Variants in FOXRED1 observed in about 807,000 individuals in gnomAD.
The protein encoded by FOXRED1 is FAD dependent oxidoreductase domain containing 1.
In FOXRED1, 52 loss-of-function variants were observed where a neutral mutation model predicts 57.8. The ratio of observed to expected loss-of-function variants is 0.90; its 90% CI spans 0.72 to 1.13. The LOEUF (loss-of-function observed/expected upper bound fraction) is 1.13, where lower values mean the gene tolerates loss of function less well. Ranked by LOEUF, FOXRED1 falls within the 50% of genes most tolerant of loss-of-function variation. The probability of loss-of-function intolerance (pLI) is 0.00; values close to 1 mark genes in which losing one functional copy is unlikely to be tolerated. For synonymous variants in FOXRED1, 271 were observed against 248.3 expected, an observed-to-expected ratio of 1.09 and a Z score of -0.86; for missense variants, 589 against 625.2, an observed-to-expected ratio of 0.94 and a Z score of 0.62.
In FOXRED1 at chr11:126,271,672, A is replaced by G; in HGVS notation, c.306+15A>G. 1 of 1,601,288 alleles carries G rather than the reference A, an allele frequency of 6.2e-7. No homozygotes were observed. Among genetic ancestry groups the G allele is most frequent in the South Asian group, 1.1e-5 (1 of 90,806 alleles). On this transcript the variant is annotated intron_variant, in intron 2 of 10. Coordinates refer to ENST00000263578, the MANE Select transcript of FOXRED1 (RefSeq NM_017547.4). The surrounding 1 kb of genome is among the most constrained non-coding windows in gnomAD (Gnocchi z 5.3). ...GGGACCACACGGTGAGGTCTGGGGTAGGGCAGAGTCATGAGTGGGGCAAGA... is the reference window on the plus strand; with the variant it reads ...GGGACCACACGGTGAGGTCTGGGGTGGGGCAGAGTCATGAGTGGGGCAAGA...
Position 126,272,871 on chromosome 11 carries a change from C to T in FOXRED1, c.307-98C>T, listed in dbSNP as rs1312454680. On this transcript the variant is annotated intron_variant, in intron 2 of 10. Transcript: ENST00000263578. This position sits in a 1 kb window ranked among gnomAD's most constrained non-coding sequence, Gnocchi z 4.6. ...TTATAGACTTGCAAATAGGACTCCCCTTCAACTTTAGGTGTATAGCTCGAA... is the reference window on the plus strand; with the variant it reads ...TTATAGACTTGCAAATAGGACTCCCTTTCAACTTTAGGTGTATAGCTCGAA... The T allele has an allele frequency of 9.1e-6, 7 of 765,780 alleles. No homozygotes were observed. Among genetic ancestry groups the T allele is most frequent in the East Asian group, 2.4e-5 (1 of 40,872 alleles). 47.4% of individuals were successfully genotyped at this position (765,780 alleles called of 1,614,324 possible).
intron 1 of FOXRED1, among the ~76,000 whole-genome samples, chr11:126,269,623 G>A (rs1356187789): frequency 6.6e-6 from 1 of 152,186 alleles, no homozygotes; most frequent in Non-Finnish European, 1.5e-5. Context: ...AGAGAAGACG[G>A]GATTCAGTGA....
In FOXRED1 at chr11:126,275,386, G is replaced by T. The variant is rs36109211; in HGVS notation, c.691G>T (p.Val231Phe). Residue 231 changes from valine (V) to phenylalanine (F), a missense_variant, in exon 6 of 11, where the codon GTC becomes TTC. Coordinates refer to ENST00000263578, the MANE Select transcript of FOXRED1 (RefSeq NM_017547.4). This position sits in a 1 kb window ranked among gnomAD's most constrained non-coding sequence, Gnocchi z 5.9. Reference protein sequence around the residue: ...WCLLQGLRRKVQSLGVLFCQG... With the variant: ...WCLLQGLRRKFQSLGVLFCQG... ...TCTGCTCCAGGGGCTTCGGCGAAAG[G>T]TCCAGTCCTTGGGAGTCCTTTTCTG... The T allele has an allele frequency of 1.2e-6, 2 of 1,613,888 alleles. No individual in the cohort carries two copies. Among genetic ancestry groups the T allele is most frequent in the African/African-American group, 1.3e-5 (1 of 74,910 alleles).
Position 126,271,772 on chromosome 11 carries a change from C to A in FOXRED1, c.306+115C>A. 1 of 849,040 alleles carries A rather than the reference C, an allele frequency of 1.2e-6. No homozygotes were observed. Among genetic ancestry groups the A allele is most frequent in the Non-Finnish European group, 1.9e-6 (1 of 513,434 alleles). The allele number at this position is 849,040 out of a possible 1,614,324, so 52.6% of individuals were successfully genotyped here. On this transcript the variant is annotated intron_variant, in intron 2 of 10. Coordinates refer to ENST00000263578, the MANE Select transcript of FOXRED1 (RefSeq NM_017547.4). This position sits in a 1 kb window ranked among gnomAD's most constrained non-coding sequence, Gnocchi z 5.3. ...GGGAAGACCTCAATCTCGGAGGGTCCAACGGACAGAGATTGTGCTTTGGAC... is the reference window on the plus strand; with the variant it reads ...GGGAAGACCTCAATCTCGGAGGGTCAAACGGACAGAGATTGTGCTTTGGAC...
rs1233480964 is a variant in FOXRED1, at chr11:126,269,246, C to T, written c.40C>T (p.Leu14Phe). 1 of 1,614,200 alleles carries T rather than the reference C, an allele frequency of 6.2e-7. No individual in the cohort carries two copies. Among genetic ancestry groups the T allele is most frequent in the Non-Finnish European group, 8.5e-7 (1 of 1,180,020 alleles). The change falls in exon 1 of 11, where the codon CTC (leucine) becomes TTC (phenylalanine). Residue 14 changes from leucine to phenylalanine, a missense_variant. Physicochemically the swap from Leu to Phe is conservative, Grantham distance 22. Transcript: ENST00000263578. ...TCTGCCGCACGGCATGGGCCGGGGC[C>T]TCTTGACCCGGAGGCCAGGCACGCG... ...RVLPHGMGRG[L>F]LTRRPGTRRG...
rs748879011 is a variant in FOXRED1 at position 126,277,072 on chromosome 11, A to C, written c.1103A>C (p.Gln368Pro). ...CGTTGTCCCCACCTCTCACTCCAGCAGGAAGAACCGGACCCGGCGAACCTG... is the reference window on the plus strand; with the variant it reads ...CGTTGTCCCCACCTCTCACTCCAGCCGGAAGAACCGGACCCGGCGAACCTG... Reference protein sequence around the residue: ...NYLGGRSPTEQEEPDPANLEV... With the variant: ...NYLGGRSPTEPEEPDPANLEV... Residue 368 changes from glutamine (Q) to proline (P), a missense_variant and splice_region_variant, in exon 10 of 11, where the codon CAG becomes CCG. Gln to Pro is a moderately conservative substitution (Grantham distance 76). Coordinates refer to ENST00000263578, the MANE Select transcript of FOXRED1 (RefSeq NM_017547.4). This position sits in a 1 kb window ranked among gnomAD's most constrained non-coding sequence, Gnocchi z 6.8. The C allele has an allele frequency of 6.2e-7, 1 of 1,603,946 alleles. No individual in the cohort carries two copies. The highest frequency in any genetic ancestry group is 2.2e-5 in the East Asian group (1 of 44,820).
chr11:126,276,315 G>GTGTATGGGGTTGGGGA, intron 8 of FOXRED1, 79 bp from the exon 9 acceptor site: 1 of 1,153,378 alleles, frequency 8.7e-7, no homozygotes, highest in East Asian at 3.1e-5. Flanking sequence ...GTGTGTGTGT[G>GTGTATGGGGTTGGGGA]GGGTGTGGGG....
chr11:126,277,177 T>TAAC lies in FOXRED1; in HGVS notation c.1206+3_1206+5dup, dbSNP rs745532161. 1 of 1,575,092 alleles carries TAAC rather than the reference T, an allele frequency of 6.3e-7. No individual in the cohort carries two copies. The highest frequency in any genetic ancestry group is 1.3e-5 in the African/African-American group (1 of 74,302). ...GTCCCAGCTTTTGAGACTCTGAAGG[T>TAAC]AACTGGCAAGGGCTGGTTTTCCTTT... On this transcript the variant is annotated splice_region_variant and intron_variant, in intron 10 of 10. Coordinates refer to ENST00000263578, the MANE Select transcript of FOXRED1 (RefSeq NM_017547.4). This position sits in a 1 kb window ranked among gnomAD's most constrained non-coding sequence, Gnocchi z 6.8.
rs970383984 is a variant in FOXRED1, at chr11:126,272,288, T to A, written c.306+631T>A. Among the ~76,000 whole-genome samples, 12 of 151,458 alleles carry A rather than the reference T, an allele frequency of 7.9e-5. No individual in the cohort carries two copies. The highest frequency in any genetic ancestry group is 2.7e-4 in the African/African-American group (11 of 41,232). ...TCAACTTGCTTCTTTTGGGTCCCGT[T>A]ACTTCTGAGGTTTTTTGCATTTTAT... is the stretch of plus-strand genomic sequence containing the variant. On this transcript the variant is annotated intron_variant, in intron 2 of 10. Coordinates refer to ENST00000263578, the MANE Select transcript of FOXRED1 (RefSeq NM_017547.4). The surrounding 1 kb of genome is among the most constrained non-coding windows in gnomAD (Gnocchi z 4.6).
rs1029901361 is a variant in FOXRED1, at chr11:126,277,279, T to C, written c.1206+104T>C. 1.3e-5 allele frequency: 16 copies of C among 1,190,248 alleles called. No homozygotes were observed. In the African/African-American group the frequency reaches 2.1e-4, roughly 16 times the overall value. The allele number at this position is 1,190,248 out of a possible 1,614,324, so 73.7% of individuals were successfully genotyped here. ...TCGGACCCGTGACTGCCGTAGTCCC[T>C]CCATGTCACAACTGCTAAGGAATTT... On this transcript the variant is annotated intron_variant, in intron 10 of 10. Transcript: ENST00000263578. This position sits in a 1 kb window ranked among gnomAD's most constrained non-coding sequence, Gnocchi z 6.8.
chr11:126,270,350 T>C (rs1426571207), intron 1 of FOXRED1, among the ~76,000 whole-genome samples: 3 of 152,236 alleles, frequency 2.0e-5, no homozygotes, highest in Non-Finnish European at 4.4e-5. Flanking sequence ...AGATACTTAC[T>C]GAGCACTTAG....
At chr11:126,270,161 T>C (rs577506497) in intron 1 of FOXRED1, among the ~76,000 whole-genome samples, 1 of 152,206 alleles carries the variant, frequency 6.6e-6, no homozygotes, top group East Asian at 1.9e-4. Context: ...GAGTGCAGAC[T>C]AGGAGAAAAA....
At position 126,272,455 on chromosome 11, in the gene FOXRED1, G is replaced by C. The variant is rs949516311; in HGVS notation, c.307-514G>C. On this transcript the variant is annotated intron_variant, in intron 2 of 10. Transcript: ENST00000263578. The surrounding 1 kb of genome is among the most constrained non-coding windows in gnomAD (Gnocchi z 4.6). ...CCACAGGCATGCACCACCACACCTGGCTAATTTCTGTATTTTTTGTAGAAA... is the reference window on the plus strand; with the variant it reads ...CCACAGGCATGCACCACCACACCTGCCTAATTTCTGTATTTTTTGTAGAAA... 3 of 237,484 alleles carry C rather than the reference G, an allele frequency of 1.3e-5. 1 individual carries two copies. The South Asian group carries it at 1.6e-4, about 13-fold the overall frequency. 14.7% of individuals were successfully genotyped at this position (237,484 alleles called of 1,614,324 possible).
Position 126,273,288 on chromosome 11 carries a change from C to G in FOXRED1, c.418-48C>G, listed in dbSNP as rs750482528. 7.0e-7 allele frequency: 1 copy of G among 1,425,174 alleles called. No individual in the cohort carries two copies. Among genetic ancestry groups the G allele is most frequent in the Non-Finnish European group, 9.9e-7 (1 of 1,007,868 alleles). 88.3% of individuals were successfully genotyped at this position (1,425,174 alleles called of 1,614,324 possible). ...GGGGAAGAAGGCAGGAAAACTCTTTCTGGCATCCTTAAGTCAGTTTCTTTC... is the reference window on the plus strand; with the variant it reads ...GGGGAAGAAGGCAGGAAAACTCTTTGTGGCATCCTTAAGTCAGTTTCTTTC... On this transcript the variant is annotated intron_variant, in intron 3 of 10. Coordinates refer to ENST00000263578, the MANE Select transcript of FOXRED1 (RefSeq NM_017547.4). This position sits in a 1 kb window ranked among gnomAD's most constrained non-coding sequence, Gnocchi z 5.9.
intron 1 of FOXRED1, chr11:126,269,499 C>T: frequency 1.2e-6 from 1 of 832,998 alleles, no homozygotes; most frequent in Non-Finnish European, 2.0e-6. Flanking sequence ...GGTCTCACAT[C>T]ATTCTCCATT....
rs775595762 is a variant in FOXRED1 at position 126,273,341 on chromosome 11, C to T, written c.423C>T (p.Tyr141=). 1.2e-6 allele frequency: 2 copies of T among 1,610,598 alleles called. No homozygotes were observed. The highest frequency in any genetic ancestry group is 1.7e-6 in the Non-Finnish European group (2 of 1,176,892). ...SASFLRNINE[Y]LAVVDAPPLD... The stretch of plus-strand genomic sequence containing the variant: ...GAGCTTCTGTCTGCACACAGGAGTA[C>T]CTGGCCGTAGTCGATGCTCCTCCCC... The change falls in exon 4 of 11, where the codon TAC becomes TAT. Residue 141 remains tyrosine, a synonymous_variant. Coordinates refer to ENST00000263578, the MANE Select transcript of FOXRED1 (RefSeq NM_017547.4). This position sits in a 1 kb window ranked among gnomAD's most constrained non-coding sequence, Gnocchi z 5.9.
Position 126,274,883 on chromosome 11 carries a change from T to G in FOXRED1, c.537-44T>G. ...GTCCATACATCATCCCCCTGCACACTCCCCTCTCTGACACACATACACCGA... is the reference window on the plus strand; with the variant it reads ...GTCCATACATCATCCCCCTGCACACGCCCCTCTCTGACACACATACACCGA... On this transcript the variant is annotated intron_variant, in intron 4 of 10. Coordinates refer to ENST00000263578, the MANE Select transcript of FOXRED1 (RefSeq NM_017547.4). The surrounding 1 kb of genome is among the most constrained non-coding windows in gnomAD (Gnocchi z 4.8). The G allele has an allele frequency of 8.8e-7, 1 of 1,134,504 alleles. No homozygotes were observed. The highest frequency in any genetic ancestry group is 1.3e-6 in the Non-Finnish European group (1 of 741,890). 70.3% of individuals were successfully genotyped at this position (1,134,504 alleles called of 1,614,324 possible). A position where few individuals can be genotyped will look rare whatever the true frequency, so the allele number is the denominator to read the frequency against.
At chr11:126,276,583 A>G in intron 9 of FOXRED1, 60 bp downstream of exon 9, 4 of 1,576,704 alleles carry the variant, frequency 2.5e-6, no homozygotes, top group South Asian at 1.1e-5. Flanking sequence ...TCACGAAACA[A>G]TCAGGCTTTT....
In FOXRED1 at chr11:126,274,670, A is replaced by G; in HGVS notation, c.537-257A>G. The G allele has an allele frequency of 2.0e-6, 1 of 496,206 alleles. No homozygotes were observed. Among genetic ancestry groups the G allele is most frequent in the Non-Finnish European group, 3.7e-6 (1 of 272,948 alleles). 30.7% of individuals were successfully genotyped at this position (496,206 alleles called of 1,614,324 possible). Reference sequence around the variant, plus strand: ...GAAAAAAAAAAAAAGAAGTCATGGAATAGACTGGGATAGCAGGGAGCTCTG... The same window carrying G: ...GAAAAAAAAAAAAAGAAGTCATGGAGTAGACTGGGATAGCAGGGAGCTCTG... On this transcript the variant is annotated intron_variant, in intron 4 of 10. Coordinates refer to ENST00000263578, the MANE Select transcript of FOXRED1 (RefSeq NM_017547.4). The surrounding 1 kb of genome is among the most constrained non-coding windows in gnomAD (Gnocchi z 4.8).
Sources: allele counts gnomAD v4.1 joint callset (sites outside exome capture counted in the v4.1 genomes callset), GRCh38; gene constraint gnomAD v4.1.1; non-coding constraint Gnocchi (gnomAD v3.1); transcripts MANE v1.5; gene names NCBI Gene and HGNC (gene_info 2026-07-23, HGNC 2026-07-21).